Variants in EYS observed in about 807,000 individuals in gnomAD.
EYS encodes the protein EGF-like photoreceptor maintenance factor.
In EYS, 250 loss-of-function variants were observed where a neutral mutation model predicts 282.1. That is an observed-to-expected ratio of 0.89 (90% CI 0.80 to 0.98). The LOEUF (loss-of-function observed/expected upper bound fraction) is 0.98. Among genes scored for constraint, EYS ranks in the 50% least tolerant of loss-of-function variants. The pLI, the probability that EYS is intolerant of heterozygous loss-of-function variation, is 0.00. For synonymous variants in EYS, 1,355 were observed against 1,282.9 expected, an observed-to-expected ratio of 1.06 and a Z score of -1.20; for missense variants, 4,016 against 3,709.0, an observed-to-expected ratio of 1.08 and a Z score of -2.15.
chr6:64,212,218 A>G (rs909975068), intron 31 of EYS, among the ~76,000 whole-genome samples: 6 of 152,106 alleles, frequency 3.9e-5, no homozygotes, highest in Non-Finnish European at 7.4e-5. Context: ...ATCTAGAGAG[A>G]AAATCTGGAA....
intron 15 of EYS, among the ~76,000 whole-genome samples, chr6:64,914,154 G>T (rs1768091807): frequency 6.6e-6 from 1 of 152,076 alleles, no homozygotes; most frequent in African/African-American, 2.4e-5. Context: ...TGAGGGAAAT[G>T]GAAAGGTTAT....
chr6:65,220,372 G>A (rs1766430840), intron 12 of EYS, among the ~76,000 whole-genome samples: 1 of 152,100 alleles, frequency 6.6e-6, no homozygotes, highest in South Asian at 2.1e-4. Context: ...TGAACCCAGT[G>A]GGTGGTAATT....
chr6:64,587,873 C>T (rs942534298), intron 26 of EYS, among the ~76,000 whole-genome samples: 1 of 151,882 alleles, frequency 6.6e-6, no homozygotes, highest in Non-Finnish European at 1.5e-5. Context: ...AGAAGCTGAC[C>T]CGCATGTATA....
intron 29 of EYS, among the ~76,000 whole-genome samples, chr6:64,340,016 CA>C (rs1217821363): frequency 6.8e-6 from 1 of 146,290 alleles, no homozygotes; most frequent in Non-Finnish European, 1.5e-5. Flanking sequence ...CTCATCTCAT[CA>C]AATATCACTT....
At chr6:65,405,002 GT>G (rs1016688947) in intron 6 of EYS, among the ~76,000 whole-genome samples, 171 bp downstream of exon 6, 6 of 151,948 alleles carry the variant, frequency 3.9e-5, no homozygotes, top group African/African-American at 1.4e-4. Flanking sequence ...GAAGAGCAAA[GT>G]TTTTTCCTAT....
intron 12 of EYS, among the ~76,000 whole-genome samples, chr6:65,237,010 TG>T (rs551991057): frequency 7.2e-5 from 11 of 152,322 alleles, no homozygotes; most frequent in African/African-American, 2.6e-4. Flanking sequence ...AGACCAATTT[TG>T]TTTATGCTCT....
chr6:64,490,041 T>C (rs919611700), intron 26 of EYS, among the ~76,000 whole-genome samples: 1 of 150,868 alleles, frequency 6.6e-6, no homozygotes, highest in Non-Finnish European at 1.5e-5. Context: ...CGAATTTTAT[T>C]AATGATTAGA....
At chr6:64,612,013 C>A (rs907182990) in intron 24 of EYS, among the ~76,000 whole-genome samples, 1 of 151,978 alleles carries the variant, frequency 6.6e-6, no homozygotes, top group Non-Finnish European at 1.5e-5. Flanking sequence ...ATATTGATGA[C>A]TTTATCACAT....
At chr6:64,766,166 G>T (rs1773326684) in intron 22 of EYS, among the ~76,000 whole-genome samples, 1 of 151,070 alleles carries the variant, frequency 6.6e-6, no homozygotes, top group South Asian at 2.1e-4. Context: ...GACCTCAGGG[G>T]ATCCGCCTGG....
intron 35 of EYS, among the ~76,000 whole-genome samples, chr6:63,890,649 A>T (rs927618377): frequency 1.3e-5 from 2 of 152,238 alleles, no homozygotes; most frequent in Non-Finnish European, 2.9e-5. Context: ...AGCAGGAAGG[A>T]TCTAAAATCG....
intron 14 of EYS, among the ~76,000 whole-genome samples, chr6:64,964,252 C>A (rs1770023483): frequency 6.6e-6 from 1 of 151,916 alleles, no homozygotes; most frequent in Non-Finnish European, 1.5e-5. Context: ...TTTTTATTTC[C>A]TCTTTAATTT....
At chr6:64,873,087 T>A (rs368218861) in intron 19 of EYS, among the ~76,000 whole-genome samples, 26 of 152,088 alleles carry the variant, frequency 1.7e-4, no homozygotes, top group African/African-American at 6.3e-4. Flanking sequence ...TAAAGACACA[T>A]CTGAGAATGA....
At position 65,241,028 on chromosome 6, in the gene EYS, T is replaced by G. The variant is rs573601434; in HGVS notation, c.2023+54835A>C. Reference sequence around the variant, plus strand: ...TTAACATAAATAAATGCATAAATATTTTTCTAATTATTTCATTTTAAATAC... The same window carrying G: ...TTAACATAAATAAATGCATAAATATGTTTCTAATTATTTCATTTTAAATAC... On this transcript the variant is annotated intron_variant, in intron 12 of 42. Transcript: ENST00000503581. Among the ~76,000 whole-genome samples, 43 of 152,280 alleles carry G rather than the reference T, an allele frequency of 2.8e-4. No homozygotes were observed. In the South Asian group the frequency reaches 7.7e-3, roughly 27 times the overall value.
intron 26 of EYS, among the ~76,000 whole-genome samples, chr6:64,506,934 C>T (rs1240179176): frequency 1.0e-5 from 1 of 98,632 alleles, no homozygotes; most frequent in Non-Finnish European, 2.0e-5. Flanking sequence ...AACTGACTTA[C>T]CTAATAAATA....
intron 40 of EYS, among the ~76,000 whole-genome samples, chr6:63,766,504 G>A (rs796364171): frequency 1.1e-4 from 17 of 152,040 alleles, no homozygotes; most frequent in African/African-American, 3.9e-4. Flanking sequence ...TCCTGAATAG[G>A]AAAATTGCTG....
chr6:65,601,976 C>G (rs543062524), intron 2 of EYS, among the ~76,000 whole-genome samples: 1 of 151,944 alleles, frequency 6.6e-6, no homozygotes, highest in East Asian at 1.9e-4. Context: ...ATAAAAATAG[C>G]TTTATTGTTA....
intron 31 of EYS, among the ~76,000 whole-genome samples, chr6:64,186,218 T>C (rs1394956452): frequency 6.7e-6 from 1 of 150,066 alleles, no homozygotes; most frequent in African/African-American, 2.5e-5. Context: ...ACCTAGATGA[T>C]TGTGGGTATA....
chr6:63,746,429 A>G (rs982580039), intron 41 of EYS, among the ~76,000 whole-genome samples: 14 of 152,118 alleles, frequency 9.2e-5, no homozygotes, highest in African/African-American at 3.1e-4. Flanking sequence ...TCAGGATGAT[A>G]CTGGCCTCAT....
chr6:63,843,630 G>A (rs1772022280), intron 36 of EYS, among the ~76,000 whole-genome samples: 2 of 152,250 alleles, frequency 1.3e-5, no homozygotes, highest in African/African-American at 4.8e-5. Flanking sequence ...TTATGACAAA[G>A]CCACAGTCAG....
Sources: allele counts gnomAD v4.1 joint callset (sites outside exome capture counted in the v4.1 genomes callset), GRCh38; gene constraint gnomAD v4.1.1; transcripts MANE v1.5; gene names NCBI Gene and HGNC (gene_info 2026-07-23, HGNC 2026-07-21).